The following FBXO11 variants were observed in gnomAD, a reference collection of about 807,000 sequenced individuals.
The protein encoded by FBXO11 is F-box only protein 11.
FBXO11 carries 13 observed loss-of-function variants against 117.0 expected under a neutral mutation model. The observed-to-expected ratio is 0.11, with a 90% CI of 0.07 to 0.18. FBXO11 has a LOEUF of 0.18. Among genes scored for constraint, FBXO11 ranks in the 10% least tolerant of loss-of-function variants. The pLI is 1.00. For missense variants in FBXO11, 767 were observed against 1,164.4 expected (o/e 0.66, Z 4.97); for synonymous variants, 490 against 380.5 (o/e 1.29, Z -3.35).
chr2:47,851,960 C>CTAA (rs1673896459), intron 1 of FBXO11, among the ~76,000 whole-genome samples: 1 of 151,028 alleles, frequency 6.6e-6, no homozygotes, highest in African/African-American at 2.4e-5. Context: ...AGGGGCCATG[C>CTAA]TAATAGTAGT....
intron 1 of FBXO11, among the ~76,000 whole-genome samples, chr2:47,886,808 T>C (rs977691390): frequency 1.3e-5 from 2 of 152,116 alleles, no homozygotes; most frequent in Non-Finnish European, 2.9e-5. Flanking sequence ...AAAAAGTGTT[T>C]ATATACACAT....
At chr2:47,828,854 G>C (rs1007669160) in intron 11 of FBXO11, among the ~76,000 whole-genome samples, 1 of 152,124 alleles carries the variant, frequency 6.6e-6, no homozygotes, top group African/African-American at 2.4e-5. Flanking sequence ...GCTATAATAA[G>C]CTTAGCTTAT....
intron 1 of FBXO11, among the ~76,000 whole-genome samples, chr2:47,894,761 A>T (rs1677529515): frequency 6.6e-6 from 1 of 152,226 alleles, no homozygotes; most frequent in African/African-American, 2.4e-5. Flanking sequence ...AAATCAATCA[A>T]ATCTGTGGAT....
intron 11 of FBXO11, among the ~76,000 whole-genome samples, chr2:47,828,960 G>A (rs947150598): frequency 5.9e-5 from 9 of 151,962 alleles, no homozygotes; most frequent in African/African-American, 2.2e-4. Context: ...TGTCGCCCAG[G>A]CTGGAGTGCA....
At position 47,833,510 on chromosome 2, in the gene FBXO11, G is replaced by C. The variant is rs138352446; in HGVS notation, c.935-440C>G. ...TTCTCCCCATCTTCATGAGGAGATA[G>C]AGGAAGAAAGCAAAAGAGGCTGTAA... is the stretch of plus-strand genomic sequence containing the variant. On this transcript the variant is annotated intron_variant, in intron 7 of 22. Coordinates refer to ENST00000403359, the MANE Select transcript of FBXO11 (RefSeq NM_001190274.2). Among the ~76,000 whole-genome samples, 4 of 152,260 alleles carry C rather than the reference G, an allele frequency of 2.6e-5. No individual in the cohort carries two copies. In the South Asian group the frequency reaches 6.2e-4, roughly 24 times the overall value.
At chr2:47,887,655 G>A (rs912174653) in intron 1 of FBXO11, among the ~76,000 whole-genome samples, 2 of 152,126 alleles carry the variant, frequency 1.3e-5, no homozygotes, top group Non-Finnish European at 2.9e-5. Flanking sequence ...GAGCCCAGGA[G>A]TTCAAGGCCA....
chr2:47,823,053 A>G, intron 12 of FBXO11, 90 bp downstream of exon 12: 2 of 890,150 alleles, frequency 2.2e-6, no homozygotes, highest in Admixed American at 5.8e-5. Flanking sequence ...TGTCTAACAA[A>G]AACTTTCAAG....
rs542638350 is a variant in FBXO11 at position 47,819,509 on chromosome 2, C to T, written c.1798-431G>A. 9.2e-5 allele frequency among the ~76,000 whole-genome samples: 14 copies of T among 152,180 alleles called. No individual in the cohort carries two copies. In the East Asian group the frequency reaches 9.7e-4, roughly 11 times the overall value. On this transcript the variant is annotated intron_variant, in intron 14 of 22. Transcript: ENST00000403359. ...GATTACAGGTGTGAGCCACCGCGCC[C>T]GGCCAACATTCTTTTTATGTAGCCT...
chr2:47,839,093 CT>C (rs368463059), intron 3 of FBXO11, 90 bp from the exon 4 acceptor site: 169,354 of 995,194 alleles, frequency 0.17, 4,241 homozygotes, highest in Non-Finnish European at 0.18. Context: ...TAATGAATAG[CT>C]TTTTTTTTTT....
intron 1 of FBXO11, among the ~76,000 whole-genome samples, chr2:47,901,784 A>C (rs1157062749): frequency 2.0e-5 from 3 of 152,218 alleles, no homozygotes; most frequent in African/African-American, 7.2e-5. Context: ...TACAAAATAC[A>C]TTCCTGCAGT....
At chr2:47,809,080 C>T in intron 21 of FBXO11, 78 bp downstream of exon 21, 4 of 894,560 alleles carry the variant, frequency 4.5e-6, no homozygotes, top group Non-Finnish European at 3.5e-6. Flanking sequence ...GGCAAATAGC[C>T]AAAAATGCTA....
At chr2:47,819,677 C>A (rs966449151) in intron 14 of FBXO11, among the ~76,000 whole-genome samples, 4 of 152,160 alleles carry the variant, frequency 2.6e-5, no homozygotes, top group African/African-American at 9.7e-5. Flanking sequence ...AACAAACTGA[C>A]GACCTCTCAT....
At chr2:47,856,467 G>C (rs1170931229) in intron 1 of FBXO11, among the ~76,000 whole-genome samples, 1 of 152,112 alleles carries the variant, frequency 6.6e-6, no homozygotes, top group Non-Finnish European at 1.5e-5. Context: ...AGTATACATT[G>C]GAAGAGGGCT....
intron 1 of FBXO11, among the ~76,000 whole-genome samples, chr2:47,894,288 A>T (rs1677485828): frequency 6.6e-6 from 1 of 152,224 alleles, no homozygotes; most frequent in Non-Finnish European, 1.5e-5. Context: ...TTTTCTGTGA[A>T]AGTTTCACAA....
chr2:47,899,436 A>G (rs111693788), intron 1 of FBXO11, among the ~76,000 whole-genome samples: 1 of 152,200 alleles, frequency 6.6e-6, no homozygotes, highest in Non-Finnish European at 1.5e-5. Context: ...CATTTATTAA[A>G]TATCTATCAT....
intron 1 of FBXO11, among the ~76,000 whole-genome samples, chr2:47,859,193 C>G (rs1014232591): frequency 2.6e-5 from 4 of 152,164 alleles, no homozygotes; most frequent in Non-Finnish European, 2.9e-5. Flanking sequence ...TTCAGAGATA[C>G]GTATTTCCTT....
At chr2:47,860,684 T>C (rs898322537) in intron 1 of FBXO11, among the ~76,000 whole-genome samples, 7 of 149,382 alleles carry the variant, frequency 4.7e-5, no homozygotes, top group Admixed American at 2.7e-4. Flanking sequence ...TAGAATTACA[T>C]GCGTGAGCCA....
rs956194051 is a variant in FBXO11, at chr2:47,906,206, G to C, written c.-486C>G. On this transcript the variant is annotated 5_prime_UTR_variant, in exon 1 of 23. Coordinates refer to ENST00000403359, the MANE Select transcript of FBXO11 (RefSeq NM_001190274.2). ...AGGGAGAGAAGGGAGGGAGGGAGCA[G>C]GGGGCGCCCGGCTCTTTTTTTTCCC... 1.1e-4 allele frequency: 18 copies of C among 167,894 alleles called. No homozygotes were observed. The highest frequency in any genetic ancestry group is 4.3e-4 in the African/African-American group (18 of 41,546). The allele number at this position is 167,894 out of a possible 1,614,324, so 10.4% of individuals were successfully genotyped here. A position where few individuals can be genotyped will look rare whatever the true frequency, so the allele number is the denominator to read the frequency against.
chr2:47,906,361 G>T lies in FBXO11; in HGVS notation c.-641C>A, dbSNP rs1204011589. On this transcript the variant is annotated 5_prime_UTR_variant, in exon 1 of 23. Coordinates refer to ENST00000403359, the MANE Select transcript of FBXO11 (RefSeq NM_001190274.2). ...GAAATGAGTGTGAAGGGAGGAGATA[G>T]GGGGAAAAAGAGGCGTCGTCCTTCC... 6.6e-6 allele frequency among the ~76,000 whole-genome samples: 1 copy of T among 152,082 alleles called. No homozygotes were observed. The highest frequency in any genetic ancestry group is 2.4e-5 in the African/African-American group (1 of 41,414).
Sources: allele counts gnomAD v4.1 joint callset (sites outside exome capture counted in the v4.1 genomes callset), GRCh38; gene constraint gnomAD v4.1.1; transcripts MANE v1.5; gene names NCBI Gene and HGNC (gene_info 2026-07-23, HGNC 2026-07-21).